The following CENPP variants were observed in gnomAD, a reference collection of about 807,000 sequenced individuals.
The protein encoded by CENPP is centromere protein P.
In CENPP, 24 loss-of-function variants were observed where a neutral mutation model predicts 35.6. That is an observed-to-expected ratio of 0.67 (90% CI 0.49 to 0.95). CENPP has a LOEUF of 0.95. Among genes scored for constraint, CENPP ranks in the 40% least tolerant of loss-of-function variants. CENPP has a pLI of 0.00. For missense variants in CENPP, 332 were observed against 345.3 expected (o/e 0.96, Z 0.31); for synonymous variants, 120 against 125.5 (o/e 0.96, Z 0.29).
At chr9:92,533,303 CAAAAAAAA>C (rs1174584000) in intron 5 of CENPP, among the ~76,000 whole-genome samples, 44 of 29,870 alleles carry the variant, frequency 1.5e-3, no homozygotes, top group African/African-American at 4.9e-3. Context: ...CGGTCTCAAA[CAAAAAAAA>C]AAAAAAAAAA....
At chr9:92,433,709 A>G (rs1844175718) in intron 5 of CENPP, among the ~76,000 whole-genome samples, 2 of 152,170 alleles carry the variant, frequency 1.3e-5, no homozygotes, top group Non-Finnish European at 2.9e-5. Flanking sequence ...AAGCAGGCAG[A>G]TCACTTGAGG....
At chr9:92,456,908 AAG>A (rs1248802076) in intron 5 of CENPP, 1 of 1,002,808 alleles carries the variant, frequency 1.0e-6, no homozygotes, top group East Asian at 9.9e-5. Context: ...CAGCAAATGA[AAG>A]AGCACAAATT....
intron 5 of CENPP, among the ~76,000 whole-genome samples, chr9:92,573,989 C>G (rs549823359): frequency 8.5e-5 from 13 of 152,220 alleles, no homozygotes; most frequent in Non-Finnish European, 1.8e-4. Flanking sequence ...TTTCCAGGTA[C>G]CATCTGTCAC....
At chr9:92,359,139 G>A (rs1314632451) in intron 4 of CENPP, among the ~76,000 whole-genome samples, 4 of 151,682 alleles carry the variant, frequency 2.6e-5, no homozygotes, top group Non-Finnish European at 2.9e-5. Flanking sequence ...AGTAGAGAGG[G>A]GGTTTTGCCA....
chr9:92,377,520 T>C (rs537757294), intron 4 of CENPP, among the ~76,000 whole-genome samples: 3 of 152,310 alleles, frequency 2.0e-5, no homozygotes, highest in Middle Eastern at 3.4e-3. Context: ...CAAGGGTATC[T>C]TACAGTACTA....
chr9:92,578,724 C>T (rs1235391307), intron 5 of CENPP, among the ~76,000 whole-genome samples: 7 of 151,578 alleles, frequency 4.6e-5, no homozygotes, highest in Non-Finnish European at 7.4e-5. Flanking sequence ...GAGTAGGTTG[C>T]GAAAATTTTC....
intron 5 of CENPP, chr9:92,502,414 A>C: frequency 7.0e-7 from 1 of 1,429,612 alleles, no homozygotes; most frequent in African/African-American, 1.4e-5. Context: ...CAGTATCGTC[A>C]CCTCCCTCAC....
chr9:92,413,781 A>G (rs1413301409), intron 5 of CENPP, among the ~76,000 whole-genome samples: 2 of 152,198 alleles, frequency 1.3e-5, no homozygotes, highest in African/African-American at 4.8e-5. Context: ...TTTTCTTCAT[A>G]TTCATCCTGG....
intron 5 of CENPP, chr9:92,496,229 G>A: frequency 6.7e-7 from 1 of 1,489,616 alleles, no homozygotes; most frequent in Non-Finnish European, 8.8e-7. Flanking sequence ...AGTATAACAG[G>A]AGGATTATGT....
chr9:92,548,469 T>C (rs2131322119), intron 5 of CENPP, among the ~76,000 whole-genome samples: 1 of 152,344 alleles, frequency 6.6e-6, no homozygotes, highest in South Asian at 2.1e-4. Context: ...TATTACTGCA[T>C]ATGATCACTA....
intron 5 of CENPP, among the ~76,000 whole-genome samples, chr9:92,584,057 G>T (rs1027769520): frequency 6.6e-6 from 1 of 152,144 alleles, no homozygotes; most frequent in African/African-American, 2.4e-5. Context: ...TGAAAACACT[G>T]GGATTAGTTC....
intron 5 of CENPP, among the ~76,000 whole-genome samples, chr9:92,567,401 T>TAG (rs1564005622): frequency 1.2e-4 from 15 of 124,358 alleles, no homozygotes; most frequent in East Asian, 4.3e-4. Context: ...TATATAGATA[T>TAG]ATATATAAAG....
intron 5 of CENPP, among the ~76,000 whole-genome samples, chr9:92,563,060 C>T (rs1328568648): frequency 6.6e-6 from 1 of 152,022 alleles, no homozygotes; most frequent in Non-Finnish European, 1.5e-5. Flanking sequence ...AGTTTTAATT[C>T]TGACAGATAT....
rs576754257 is a variant in CENPP at position 92,432,668 on chromosome 9, G to A, written c.564+52809G>A. 7.9e-4 allele frequency among the ~76,000 whole-genome samples: 120 copies of A among 152,282 alleles called. 1 individual carries two copies. The highest frequency in any genetic ancestry group is 6.5e-4 in the Non-Finnish European group (44 of 68,026). Reference sequence around the variant, plus strand: ...CAGCCAGTACTCCACCCTCACAGAAGCAAAGTCCCAAAATTATATACACGA... The same window carrying A: ...CAGCCAGTACTCCACCCTCACAGAAACAAAGTCCCAAAATTATATACACGA... On this transcript the variant is annotated intron_variant, in intron 5 of 7. Coordinates refer to ENST00000375587, the MANE Select transcript of CENPP (RefSeq NM_001012267.3).
At chr9:92,559,341 G>A (rs1849798180) in intron 5 of CENPP, among the ~76,000 whole-genome samples, 1 of 152,126 alleles carries the variant, frequency 6.6e-6, no homozygotes, top group Admixed American at 6.6e-5. Context: ...TCTCTAACTT[G>A]ACTCAGCTCC....
At chr9:92,370,145 T>G (rs1300832014) in intron 4 of CENPP, among the ~76,000 whole-genome samples, 1 of 152,228 alleles carries the variant, frequency 6.6e-6, no homozygotes, top group Non-Finnish European at 1.5e-5. Flanking sequence ...GAATCATCCT[T>G]GCATCCTTGG....
chr9:92,530,695 A>AT (rs972271123), intron 5 of CENPP, among the ~76,000 whole-genome samples: 7 of 151,406 alleles, frequency 4.6e-5, no homozygotes, highest in Admixed American at 2.0e-4. Context: ...ATGTAGTTGC[A>AT]TTTTTTTTCT....
rs1334945587 is a variant in CENPP, at chr9:92,613,933, A to AC, written c.*785dup. 2 of 152,234 alleles carry AC rather than the reference A, an allele frequency of 1.3e-5. No individual in the cohort carries two copies. The highest frequency in any genetic ancestry group is 2.9e-5 in the Non-Finnish European group (2 of 68,064). 9.4% of individuals were successfully genotyped at this position (152,234 alleles called of 1,614,324 possible). On this transcript the variant is annotated 3_prime_UTR_variant, in exon 8 of 8. Coordinates refer to ENST00000375587, the MANE Select transcript of CENPP (RefSeq NM_001012267.3). ...TCTCAAACCAGTCAGGGCCGTCATG[A>AC]CTACGCAGCAGCAGCAGTTTCCAAG...
At chr9:92,462,250 T>A (rs1458023959) in intron 5 of CENPP, among the ~76,000 whole-genome samples, 1 of 152,224 alleles carries the variant, frequency 6.6e-6, no homozygotes, top group Non-Finnish European at 1.5e-5. Flanking sequence ...AATGCTGGGA[T>A]TACAGGCATG....
Sources: gnomAD v4.1 joint callset for allele counts (sites outside exome capture counted in the v4.1 genomes callset) on GRCh38, gnomAD v4.1.1 for gene constraint, MANE v1.5 for transcripts, NCBI Gene and HGNC (gene_info 2026-07-23, HGNC 2026-07-21) for gene names.